The following PHACTR1 variants were observed in gnomAD, a reference collection of about 807,000 sequenced individuals.
PHACTR1 encodes the protein phosphatase and actin regulator 1.
PHACTR1 carries 16 observed loss-of-function variants against 69.2 expected under a neutral mutation model. That is an observed-to-expected ratio of 0.23 (90% CI 0.16 to 0.35). PHACTR1 has a LOEUF of 0.35. Among genes scored for constraint, PHACTR1 ranks in the 10% least tolerant of loss-of-function variants. The pLI, the probability that PHACTR1 is intolerant of heterozygous loss-of-function variation, is 1.00. For missense variants in PHACTR1, 510 were observed against 734.7 expected (o/e 0.69, Z 3.54); for synonymous variants, 312 against 284.5 (o/e 1.10, Z -0.97).
intron 4 of PHACTR1, among the ~76,000 whole-genome samples, chr6:12,920,373 A>G (rs1787511103): frequency 6.6e-6 from 1 of 152,220 alleles, no homozygotes; most frequent in East Asian, 1.9e-4. Context: ...AGCATTGTGA[A>G]ACTTAAGCTG....
chr6:12,725,953 T>C (rs1239978310), intron 3 of PHACTR1, among the ~76,000 whole-genome samples: 2 of 152,162 alleles, frequency 1.3e-5, no homozygotes, highest in African/African-American at 4.8e-5. Flanking sequence ...CAGGAAAGGG[T>C]GTGATTATTC....
intron 4 of PHACTR1, among the ~76,000 whole-genome samples, chr6:12,767,770 G>A (rs1768825914): frequency 6.6e-6 from 1 of 152,178 alleles, no homozygotes; most frequent in Non-Finnish European, 1.5e-5. Flanking sequence ...ATGATTCAGG[G>A]TGGAAGATCA....
chr6:13,178,912 A>AT (rs933857449), intron 6 of PHACTR1, among the ~76,000 whole-genome samples: 1 of 152,080 alleles, frequency 6.6e-6, no homozygotes, highest in African/African-American at 2.4e-5. Context: ...AATAATGTGA[A>AT]TTTTTTAATG....
chr6:12,850,356 G>A (rs915056502), intron 4 of PHACTR1, among the ~76,000 whole-genome samples: 2 of 152,236 alleles, frequency 1.3e-5, no homozygotes, highest in African/African-American at 4.8e-5. Flanking sequence ...GCGTGCAGAT[G>A]CAAAGTCCTC....
chr6:12,980,381 G>C (rs964174328), intron 4 of PHACTR1, among the ~76,000 whole-genome samples: 1 of 151,992 alleles, frequency 6.6e-6, no homozygotes, highest in East Asian at 1.9e-4. Context: ...TTATCTCCCC[G>C]CGTCACCCTT....
chr6:12,880,802 A>T (rs1438062266), intron 4 of PHACTR1, among the ~76,000 whole-genome samples: 1 of 152,220 alleles, frequency 6.6e-6, no homozygotes, highest in Non-Finnish European at 1.5e-5. Flanking sequence ...AGAAAAGACA[A>T]TAGGTAAAAG....
chr6:13,247,326 C>CGTGTGTGTGT (rs60972913), intron 10 of PHACTR1, among the ~76,000 whole-genome samples: 1,647 of 139,060 alleles, frequency 0.012, 29 homozygotes, highest in Admixed American at 0.028. Context: ...CAAGTTCCCT[C>CGTGTGTGTGT]GTGTGTGTGT....
At chr6:13,251,856 A>G (rs986648522) in intron 10 of PHACTR1, among the ~76,000 whole-genome samples, 9 of 152,028 alleles carry the variant, frequency 5.9e-5, no homozygotes, top group Non-Finnish European at 1.2e-4. Context: ...GGAGTTCAAG[A>G]CCAGCCTGAG....
intron 3 of PHACTR1, among the ~76,000 whole-genome samples, chr6:12,741,299 A>G (rs971666791): frequency 6.6e-6 from 1 of 152,008 alleles, no homozygotes; most frequent in South Asian, 2.1e-4. Flanking sequence ...AATTTTTTGA[A>G]GGTCATAAAA....
rs1483544373 is a variant in PHACTR1, at chr6:12,882,069, A to G, written c.250+132279A>G. ...ATGAACGATAAGAACAGGGCATTTG[A>G]CTGGGGGCTGGGGCTTCGTTCACTG... On this transcript the variant is annotated intron_variant, in intron 4 of 14. Transcript: ENST00000332995. Among the ~76,000 whole-genome samples, 9 of 152,160 alleles carry G rather than the reference A, an allele frequency of 5.9e-5. No individual in the cohort carries two copies. The South Asian group carries it at 8.3e-4, about 14-fold the overall frequency.
chr6:13,162,361 A>G (rs1759165433), intron 6 of PHACTR1, among the ~76,000 whole-genome samples: 1 of 151,936 alleles, frequency 6.6e-6, no homozygotes, highest in South Asian at 2.1e-4. Context: ...TCCTGACCTC[A>G]GGTGATCCAC....
chr6:13,190,623 G>A (rs916492568), intron 7 of PHACTR1, among the ~76,000 whole-genome samples: 2 of 152,062 alleles, frequency 1.3e-5, no homozygotes, highest in Admixed American at 1.3e-4. Context: ...AAAGGAGACA[G>A]TTTGTGTAAG....
At chr6:13,065,912 T>C (rs72820875) in intron 5 of PHACTR1, among the ~76,000 whole-genome samples, 4,983 of 151,794 alleles carry the variant, frequency 0.033, 108 homozygotes, top group Non-Finnish European at 0.055. Flanking sequence ...AGATCACATA[T>C]TCCCTTTGGG....
Position 12,912,000 on chromosome 6 carries a change from G to T in PHACTR1, c.251-141365G>T, listed in dbSNP as rs117537994. 2.6e-3 allele frequency among the ~76,000 whole-genome samples: 398 copies of T among 152,230 alleles called. 12 individuals carry two copies. In the East Asian group the frequency reaches 0.054, roughly 21 times the overall value. On this transcript the variant is annotated intron_variant, in intron 4 of 14. Coordinates refer to ENST00000332995, the MANE Select transcript of PHACTR1 (RefSeq NM_030948.6). Reference sequence around the variant, plus strand: ...CTGCATTTTATTTATTTATTTGTTTGTTTGTTTATTTATTTGAGACGGAAT... The same window carrying T: ...CTGCATTTTATTTATTTATTTGTTTTTTTGTTTATTTATTTGAGACGGAAT...
intron 4 of PHACTR1, among the ~76,000 whole-genome samples, chr6:12,981,808 G>A (rs1317266722): frequency 1.3e-5 from 2 of 152,124 alleles, no homozygotes; most frequent in Admixed American, 1.3e-4. Context: ...ATGCCTCAGC[G>A]CATCTTGGCA....
chr6:12,817,967 G>A (rs1363170958), intron 4 of PHACTR1, among the ~76,000 whole-genome samples: 1 of 152,086 alleles, frequency 6.6e-6, no homozygotes, highest in Non-Finnish European at 1.5e-5. Context: ...GGGACTACAG[G>A]CGCCTGCCAC....
intron 10 of PHACTR1, among the ~76,000 whole-genome samples, chr6:13,241,018 A>G (rs1359342032): frequency 6.6e-6 from 1 of 152,132 alleles, no homozygotes; most frequent in Non-Finnish European, 1.5e-5. Context: ...GGGTTTTCCT[A>G]TTTCTGGCAA....
intron 6 of PHACTR1, among the ~76,000 whole-genome samples, chr6:13,165,911 G>C (rs1358583120): frequency 6.6e-6 from 1 of 152,158 alleles, no homozygotes; most frequent in African/African-American, 2.4e-5. Flanking sequence ...ATCAGAGCCT[G>C]TCACTGCCTG....
At chr6:13,165,530 C>G (rs1759670705) in intron 6 of PHACTR1, among the ~76,000 whole-genome samples, 1 of 152,112 alleles carries the variant, frequency 6.6e-6, no homozygotes, top group Admixed American at 6.5e-5. Flanking sequence ...TCAGAGTTTA[C>G]CTTCTACTCA....
Sources: allele counts gnomAD v4.1 joint callset (sites outside exome capture counted in the v4.1 genomes callset), GRCh38; gene constraint gnomAD v4.1.1; transcripts MANE v1.5; gene names NCBI Gene and HGNC (gene_info 2026-07-23, HGNC 2026-07-21).